GSK3B: variants seen among roughly 807,000 people sequenced by gnomAD.
The protein encoded by GSK3B is glycogen synthase kinase-3 beta.
GSK3B carries 15 observed loss-of-function variants against 56.4 expected under a neutral mutation model. The observed-to-expected ratio is 0.27, with a 90% CI of 0.18 to 0.41. GSK3B has a LOEUF of 0.41. Ranked by LOEUF, GSK3B falls within the 10% of genes least tolerant of loss-of-function variation. The pLI is 1.00. For missense variants in GSK3B, 300 were observed against 513.4 expected, an observed-to-expected ratio of 0.58 and a Z score of 4.02; for synonymous variants, 181 against 188.9, an observed-to-expected ratio of 0.96 and a Z score of 0.34.
At chr3:119,972,761 T>C (rs2057379223) in intron 2 of GSK3B, among the ~76,000 whole-genome samples, 1 of 152,174 alleles carries the variant, frequency 6.6e-6, no homozygotes, top group African/African-American at 2.4e-5. Flanking sequence ...TGTTCTGTGA[T>C]ATGGATTTTT....
At chr3:120,088,144 G>A (rs372842696) in intron 1 of GSK3B, among the ~76,000 whole-genome samples, 9 of 152,172 alleles carry the variant, frequency 5.9e-5, no homozygotes, top group Non-Finnish European at 1.0e-4. Context: ...CACCCGCCTC[G>A]GCCTCCCAAA....
In GSK3B at chr3:120,001,207, C is replaced by T. The variant is rs184482915; in HGVS notation, c.282+839G>A. ...CCCCTTGTTGATGAGTGAGTTCCCA[C>T]TCAGTTAGTTCACAGGAGATCTGGT... On this transcript the variant is annotated intron_variant, in intron 2 of 10. Transcript: ENST00000264235. Among the ~76,000 whole-genome samples, 267 of 151,978 alleles carry T rather than the reference C, an allele frequency of 1.8e-3. 3 individuals carry two copies. The highest frequency in any genetic ancestry group is 0.013 in the South Asian group (63 of 4,806).
chr3:119,824,114 T>G lies in GSK3B; in HGVS notation c.*2674A>C, dbSNP rs2055459170. On this transcript the variant is annotated 3_prime_UTR_variant, in exon 11 of 11. Transcript: ENST00000264235. ...CCCTGAACAGTAACTTTTTGCTCAT[T>G]AATAACAGTTCCTGGGTCCACATAT... is the stretch of plus-strand genomic sequence containing the variant. The G allele has an allele frequency of 5.0e-6, 1 of 201,942 alleles. No individual in the cohort carries two copies. Among genetic ancestry groups the G allele is most frequent in the South Asian group, 1.9e-4 (1 of 5,278 alleles). The allele number at this position is 201,942 out of a possible 1,614,324, so 12.5% of individuals were successfully genotyped here. A position where few individuals can be genotyped will look rare whatever the true frequency, so the allele number is the denominator to read the frequency against.
chr3:119,969,098 C>T (rs2057343894), intron 2 of GSK3B, among the ~76,000 whole-genome samples: 1 of 151,910 alleles, frequency 6.6e-6, no homozygotes, highest in Non-Finnish European at 1.5e-5. Context: ...TCAAGACAAA[C>T]CTGGCCAACA....
rs575946816 is a variant in GSK3B at position 120,050,921 on chromosome 3, G to A, written c.88+42426C>T. The stretch of plus-strand genomic sequence containing the variant: ...GAGGTCAAAATATAAACACTTAAAC[G>A]GGGTAGGTGGCTGGAGAGGTAGAGA... On this transcript the variant is annotated intron_variant, in intron 1 of 10. Transcript: ENST00000264235. Among the ~76,000 whole-genome samples, 15 of 152,208 alleles carry A rather than the reference G, an allele frequency of 9.9e-5. No individual in the cohort carries two copies. In the East Asian group the frequency reaches 1.2e-3, roughly 12 times the overall value.
At chr3:120,002,842 C>T (rs550814974) in intron 1 of GSK3B, among the ~76,000 whole-genome samples, 442 of 152,246 alleles carry the variant, frequency 2.9e-3, no homozygotes, top group African/African-American at 0.01. Context: ...TAAATTTGCC[C>T]ATGGTCAAAT....
intron 2 of GSK3B, among the ~76,000 whole-genome samples, chr3:119,960,548 G>C (rs2057261664): frequency 6.6e-6 from 1 of 152,196 alleles, no homozygotes; most frequent in Non-Finnish European, 1.5e-5. Flanking sequence ...AATTTTGCAA[G>C]ATGTAATCAT....
At chr3:120,077,679 G>T (rs2058379102) in intron 1 of GSK3B, among the ~76,000 whole-genome samples, 2 of 152,072 alleles carry the variant, frequency 1.3e-5, no homozygotes, top group Admixed American at 1.3e-4. Flanking sequence ...GGGTAACTAT[G>T]TGAGATGGAG....
chr3:119,848,431 A>T (rs2055885254), intron 9 of GSK3B, among the ~76,000 whole-genome samples: 2 of 151,724 alleles, frequency 1.3e-5, no homozygotes, highest in South Asian at 2.1e-4. Context: ...TTTTTTTTTT[A>T]AATTAAGGTA....
chr3:119,997,461 A>T (rs1183861910), intron 2 of GSK3B, among the ~76,000 whole-genome samples: 1 of 152,206 alleles, frequency 6.6e-6, no homozygotes, highest in Non-Finnish European at 1.5e-5. Flanking sequence ...AACGTACATA[A>T]CTATAAAGTT....
chr3:119,934,884 AT>A (rs2056979740), intron 3 of GSK3B, among the ~76,000 whole-genome samples: 1 of 152,122 alleles, frequency 6.6e-6, no homozygotes, highest in African/African-American at 2.4e-5. Context: ...AGGGTAAAAA[AT>A]ATTTCATTTT....
chr3:119,992,047 T>C (rs760058116), intron 2 of GSK3B, among the ~76,000 whole-genome samples: 3 of 152,054 alleles, frequency 2.0e-5, no homozygotes, highest in Non-Finnish European at 2.9e-5. Flanking sequence ...CAGTTCTTCC[T>C]ATATTAATTT....
intron 9 of GSK3B, among the ~76,000 whole-genome samples, chr3:119,862,214 A>G (rs977789548): frequency 6.7e-6 from 1 of 148,518 alleles, no homozygotes; most frequent in Non-Finnish European, 1.5e-5. Flanking sequence ...ATGAGTTCAT[A>G]TCCTTTGTAG....
chr3:119,981,473 A>C (rs989725138), intron 2 of GSK3B, among the ~76,000 whole-genome samples: 2 of 152,240 alleles, frequency 1.3e-5, no homozygotes, highest in African/African-American at 4.8e-5. Flanking sequence ...TACCTGGAAA[A>C]ATGGGAAACT....
chr3:119,855,009 G>A (rs1026341776), intron 9 of GSK3B, among the ~76,000 whole-genome samples: 1 of 152,150 alleles, frequency 6.6e-6, no homozygotes, highest in Non-Finnish European at 1.5e-5. Context: ...TAATTGTGAT[G>A]TTAGGGTGTC....
intron 2 of GSK3B, among the ~76,000 whole-genome samples, chr3:119,996,596 G>GT (rs61610113): frequency 0.022 from 3,062 of 140,238 alleles, 61 homozygotes; most frequent in Admixed American, 0.041. Context: ...TTTATTTAGT[G>GT]TTTTTTTTTT....
chr3:119,862,057 A>G (rs1008723920), intron 9 of GSK3B, among the ~76,000 whole-genome samples: 3 of 152,046 alleles, frequency 2.0e-5, no homozygotes, highest in Non-Finnish European at 2.9e-5. Context: ...CTGGGCAAAC[A>G]TAAGATTTTA....
At chr3:120,063,335 AAAGTTT>A (rs1184355680) in intron 1 of GSK3B, among the ~76,000 whole-genome samples, 1 of 152,214 alleles carries the variant, frequency 6.6e-6, no homozygotes, top group African/African-American at 2.4e-5. Context: ...AAAATATTTT[AAAGTTT>A]AAGTGCCACA....
intron 7 of GSK3B, among the ~76,000 whole-genome samples, chr3:119,889,591 C>T (rs1269888608): frequency 6.6e-6 from 1 of 151,864 alleles, no homozygotes. Context: ...AAATAAAAAC[C>T]ACTGATTTAA....
Sources: allele counts gnomAD v4.1 joint callset (sites outside exome capture counted in the v4.1 genomes callset), GRCh38; gene constraint gnomAD v4.1.1; transcripts MANE v1.5; gene names NCBI Gene and HGNC (gene_info 2026-07-23, HGNC 2026-07-21).